The following SPATA17 variants were observed in gnomAD, a reference collection of about 807,000 sequenced individuals.
SPATA17 encodes spermatogenesis-associated protein 17.
A neutral mutation model predicts 62.2 loss-of-function variants in SPATA17; 53 were observed. The ratio of observed to expected loss-of-function variants is 0.85; its 90% CI spans 0.68 to 1.07. The LOEUF (loss-of-function observed/expected upper bound fraction) is 1.07. Ranked by LOEUF, SPATA17 falls within the 50% of genes least tolerant of loss-of-function variation. The pLI is 0.00. For synonymous variants in SPATA17, 146 were observed against 146.8 expected, an observed-to-expected ratio of 0.99 and a Z score of 0.04; for missense variants, 466 against 425.5, an observed-to-expected ratio of 1.10 and a Z score of -0.84.
chr1:217,644,529 C>T (rs1670138085), intron 1 of SPATA17, among the ~76,000 whole-genome samples: 1 of 151,992 alleles, frequency 6.6e-6, no homozygotes, highest in Non-Finnish European at 1.5e-5. Flanking sequence ...AGTTTTTAAT[C>T]TAGTATTTAT....
intron 4 of SPATA17, among the ~76,000 whole-genome samples, chr1:217,669,707 A>T (rs1351212683): frequency 6.6e-6 from 1 of 152,030 alleles, no homozygotes; most frequent in African/African-American, 2.4e-5. Flanking sequence ...TTCTTAAGTG[A>T]ATTTCATTAT....
intron 6 of SPATA17, among the ~76,000 whole-genome samples, chr1:217,747,035 G>C (rs2102952175): frequency 6.6e-6 from 1 of 152,154 alleles, no homozygotes; most frequent in South Asian, 2.1e-4. Flanking sequence ...CTGTAAAACA[G>C]GGTTGGGATT....
chr1:217,838,158 G>T (rs1370960789), intron 9 of SPATA17, among the ~76,000 whole-genome samples: 1 of 151,876 alleles, frequency 6.6e-6, no homozygotes, highest in African/African-American at 2.4e-5. Flanking sequence ...TTTTAATGTG[G>T]CTACTAGAAA....
At chr1:217,729,692 T>C (rs553874356) in intron 5 of SPATA17, among the ~76,000 whole-genome samples, 3 of 152,176 alleles carry the variant, frequency 2.0e-5, no homozygotes, top group Non-Finnish European at 4.4e-5. Context: ...AAATGTAGAA[T>C]ATATTCTTTG....
At chr1:217,809,064 C>T (rs868036244) in intron 9 of SPATA17, among the ~76,000 whole-genome samples, 1 of 151,870 alleles carries the variant, frequency 6.6e-6, no homozygotes, top group Non-Finnish European at 1.5e-5. Context: ...AAGGAAGAAA[C>T]GTTAGACCGA....
chr1:217,635,961 C>T (rs886873707), intron 1 of SPATA17, among the ~76,000 whole-genome samples: 3 of 151,336 alleles, frequency 2.0e-5, no homozygotes, highest in Non-Finnish European at 2.9e-5. Flanking sequence ...GGAGAAACCC[C>T]GTCTCTACTA....
chr1:217,844,182 T>A lies in SPATA17; in HGVS notation c.1006-18592T>A, dbSNP rs535520599. Reference sequence around the variant, plus strand: ...AAATCGTACATAGTGATGCAGAGAGTCAGGAAGGCCTGCATATGCAAGTAT... The same window carrying A: ...AAATCGTACATAGTGATGCAGAGAGACAGGAAGGCCTGCATATGCAAGTAT... On this transcript the variant is annotated intron_variant, in intron 9 of 10. Coordinates refer to ENST00000366933, the MANE Select transcript of SPATA17 (RefSeq NM_138796.4). Among the ~76,000 whole-genome samples, 3 of 152,016 alleles carry A rather than the reference T, an allele frequency of 2.0e-5. No individual in the cohort carries two copies. The South Asian group carries it at 6.2e-4, about 32-fold the overall frequency.
chr1:217,742,475 T>C (rs903871469), intron 6 of SPATA17, among the ~76,000 whole-genome samples: 4 of 152,340 alleles, frequency 2.6e-5, no homozygotes, highest in African/African-American at 4.8e-5. Flanking sequence ...TCTCTTTTAA[T>C]TGAGCTAACG....
intron 5 of SPATA17, among the ~76,000 whole-genome samples, chr1:217,702,937 C>T (rs1055184657): frequency 4.7e-5 from 7 of 148,092 alleles, no homozygotes; most frequent in South Asian, 2.2e-4. Context: ...GCTGGAGTGG[C>T]GACATCTCGG....
intron 5 of SPATA17, among the ~76,000 whole-genome samples, chr1:217,690,201 C>T (rs961893050): frequency 2.0e-5 from 3 of 152,080 alleles, no homozygotes; most frequent in Admixed American, 1.3e-4. Flanking sequence ...CCGGGCCCAG[C>T]CTTTACTTTA....
chr1:217,647,028 T>C (rs1670198112), intron 1 of SPATA17, among the ~76,000 whole-genome samples: 2 of 152,234 alleles, frequency 1.3e-5, no homozygotes, highest in African/African-American at 4.8e-5. Context: ...TCCACAGTGG[T>C]ATCTTCTTCT....
At chr1:217,818,268 A>G (rs1674771677) in intron 9 of SPATA17, among the ~76,000 whole-genome samples, 1 of 151,970 alleles carries the variant, frequency 6.6e-6, no homozygotes, top group Non-Finnish European at 1.5e-5. Context: ...CTTGGACATC[A>G]CAATTTACGG....
At chr1:217,796,013 G>T (rs533465619) in intron 8 of SPATA17, among the ~76,000 whole-genome samples, 1 of 151,664 alleles carries the variant, frequency 6.6e-6, no homozygotes, top group Non-Finnish European at 1.5e-5. Context: ...GCCGAAGCTG[G>T]TCTCAAACTC....
intron 9 of SPATA17, among the ~76,000 whole-genome samples, chr1:217,819,590 C>T (rs1371288525): frequency 6.6e-6 from 1 of 151,976 alleles, no homozygotes; most frequent in Non-Finnish European, 1.5e-5. Context: ...GTGCCCCTCA[C>T]CTCCTCCTAT....
At chr1:217,766,800 T>A (rs768609678) in intron 6 of SPATA17, among the ~76,000 whole-genome samples, 3 of 151,794 alleles carry the variant, frequency 2.0e-5, no homozygotes, top group African/African-American at 7.3e-5. Flanking sequence ...GTTATATGGA[T>A]ACATTGTGGG....
chr1:217,662,090 C>G (rs1670584281), intron 3 of SPATA17, among the ~76,000 whole-genome samples: 1 of 152,092 alleles, frequency 6.6e-6, no homozygotes, highest in African/African-American at 2.4e-5. Flanking sequence ...CTGCATTTAT[C>G]TGTAAAAACT....
chr1:217,831,188 T>C (rs1161095269), intron 9 of SPATA17, among the ~76,000 whole-genome samples: 1 of 152,170 alleles, frequency 6.6e-6, no homozygotes, highest in Non-Finnish European at 1.5e-5. Context: ...ATGGTAGTTA[T>C]TATGCTGTCT....
chr1:217,867,120 A>T lies in SPATA17; in HGVS notation c.*101A>T, dbSNP rs1328992872. On this transcript the variant is annotated 3_prime_UTR_variant, in exon 11 of 11. Coordinates refer to ENST00000366933, the MANE Select transcript of SPATA17 (RefSeq NM_138796.4). ...TCCTGTAGGAAATATACTTGCTATG[A>T]TTCAATAAACTATAAAATTTTGTAG... 1.3e-5 allele frequency: 2 copies of T among 152,208 alleles called. No individual in the cohort carries two copies. The highest frequency in any genetic ancestry group is 4.8e-5 in the African/African-American group (2 of 41,454). The allele number at this position is 152,208 out of a possible 1,614,324, so 9.4% of individuals were successfully genotyped here.
chr1:217,838,757 C>T (rs112191475), intron 9 of SPATA17, among the ~76,000 whole-genome samples: 9 of 151,882 alleles, frequency 5.9e-5, no homozygotes, highest in Non-Finnish European at 7.4e-5. Flanking sequence ...TTCTCTTAAT[C>T]GAGAGATAAG....
Sources: allele counts gnomAD v4.1 joint callset (sites outside exome capture counted in the v4.1 genomes callset), GRCh38; gene constraint gnomAD v4.1.1; transcripts MANE v1.5; gene names NCBI Gene and HGNC (gene_info 2026-07-23, HGNC 2026-07-21).